The following KIF5C variants were observed in gnomAD, a reference collection of about 807,000 sequenced individuals.
KIF5C encodes the protein kinesin family member 5C, also known as kinesin heavy chain isoform 5C.
In KIF5C, 18 loss-of-function variants were observed where a neutral mutation model predicts 125.2. The ratio of observed to expected loss-of-function variants is 0.14; its 90% confidence interval spans 0.10 to 0.21. KIF5C has a LOEUF of 0.21. Among genes scored for constraint, KIF5C ranks in the 10% least tolerant of loss-of-function variants. The pLI is 1.00. For synonymous variants in KIF5C, 405 were observed against 434.0 expected, an observed-to-expected ratio of 0.93 and a Z score of 0.83; for missense variants, 780 against 1,183.8, an observed-to-expected ratio of 0.66 and a Z score of 5.01.
At chr2:148,999,028 A>C (rs1681769242) in intron 19 of KIF5C, among the ~76,000 whole-genome samples, 2 of 152,062 alleles carry the variant, frequency 1.3e-5, no homozygotes, top group African/African-American at 4.8e-5. Context: ...CCACACTGTC[A>C]TGTGTCTGTG....
Position 148,971,578 on chromosome 2 carries a change from A to G in KIF5C, c.1118-1758A>G, listed in dbSNP as rs148186063. Among the ~76,000 whole-genome samples, 452 of 152,342 alleles carry G rather than the reference A, an allele frequency of 3.0e-3. 1 individual carries two copies. Among genetic ancestry groups the G allele is most frequent in the African/African-American group, 0.01 (417 of 41,586 alleles). On this transcript the variant is annotated intron_variant, in intron 11 of 25. Transcript: ENST00000435030. ...TTTTGTTTAAGGTCAATAATTTTAGAAAAAACGCTTAAGTATAGCAGTCTT... is the reference window on the plus strand; with the variant it reads ...TTTTGTTTAAGGTCAATAATTTTAGGAAAAACGCTTAAGTATAGCAGTCTT...
intron 1 of KIF5C, among the ~76,000 whole-genome samples, chr2:148,891,923 C>T (rs147512866): frequency 6.6e-6 from 1 of 152,320 alleles, no homozygotes; most frequent in East Asian, 1.9e-4. Context: ...GTCTCAAACT[C>T]CTGATCTCAG....
Position 149,025,995 on chromosome 2 carries a change from T to C in KIF5C, c.*2925T>C, listed in dbSNP as rs189188853. 40 of 152,790 alleles carry C rather than the reference T, an allele frequency of 2.6e-4. No homozygotes were observed. The highest frequency in any genetic ancestry group is 9.6e-4 in the African/African-American group (40 of 41,586). 9.5% of individuals were successfully genotyped at this position (152,790 alleles called of 1,614,324 possible). A position where few individuals can be genotyped will look rare whatever the true frequency, so the allele number is the denominator to read the frequency against. On this transcript the variant is annotated 3_prime_UTR_variant, in exon 26 of 26. Transcript: ENST00000435030. ...GGATAAATGAAGAAATAAAAATGTTTGTCTAGAATGTAGCATCTAGTGACT... is the reference window on the plus strand; with the variant it reads ...GGATAAATGAAGAAATAAAAATGTTCGTCTAGAATGTAGCATCTAGTGACT...
intron 3 of KIF5C, among the ~76,000 whole-genome samples, chr2:148,934,675 C>T (rs1016090093): frequency 6.6e-5 from 10 of 151,904 alleles, no homozygotes; most frequent in Non-Finnish European, 7.4e-5. Flanking sequence ...AGCACCCCCA[C>T]ACTCGCCACA....
chr2:148,933,778 T>C (rs1289458417), intron 3 of KIF5C, among the ~76,000 whole-genome samples: 1 of 144,678 alleles, frequency 6.9e-6, no homozygotes, highest in East Asian at 2.1e-4. Context: ...CGACACACCA[T>C]ATACCACATA....
intron 12 of KIF5C, among the ~76,000 whole-genome samples, chr2:148,975,234 A>T (rs1354624568): frequency 1.3e-5 from 2 of 152,204 alleles, no homozygotes; most frequent in Non-Finnish European, 2.9e-5. Flanking sequence ...GTTTGCCCTC[A>T]GTGACCCTTC....
At chr2:148,977,070 T>TA (rs147697580) in intron 12 of KIF5C, among the ~76,000 whole-genome samples, 4 of 152,200 alleles carry the variant, frequency 2.6e-5, no homozygotes, top group African/African-American at 7.2e-5. Context: ...TGAAAGACTT[T>TA]AAAAAAAATC....
intron 15 of KIF5C, among the ~76,000 whole-genome samples, chr2:148,987,359 G>C (rs921863559): frequency 2.6e-5 from 4 of 152,150 alleles, no homozygotes; most frequent in Non-Finnish European, 4.4e-5. Context: ...GCTGTGTGCA[G>C]CCTTAGTAGC....
chr2:148,882,551 CT>C (rs1283987297), intron 1 of KIF5C, among the ~76,000 whole-genome samples: 1 of 152,204 alleles, frequency 6.6e-6, no homozygotes, highest in Non-Finnish European at 1.5e-5. Context: ...TTCATCTGTG[CT>C]TCTGTTCCCC....
chr2:148,962,611 A>G (rs1242104170), intron 11 of KIF5C, among the ~76,000 whole-genome samples: 1 of 152,166 alleles, frequency 6.6e-6, no homozygotes, highest in African/African-American at 2.4e-5. Context: ...AGTCCCTAAC[A>G]CAGGCACCAT....
At chr2:148,886,873 A>G (rs1238033424) in intron 1 of KIF5C, among the ~76,000 whole-genome samples, 1 of 152,328 alleles carries the variant, frequency 6.6e-6, no homozygotes, top group East Asian at 1.9e-4. Flanking sequence ...GTGTTTTTTA[A>G]AATTTTCTTA....
intron 25 of KIF5C, among the ~76,000 whole-genome samples, chr2:149,021,632 C>A: frequency 6.6e-6 from 1 of 151,156 alleles, no homozygotes; most frequent in East Asian, 1.9e-4. Flanking sequence ...TGAGATATTA[C>A]CACAGTTGAG....
At chr2:148,891,844 T>A (rs978720558) in intron 1 of KIF5C, among the ~76,000 whole-genome samples, 1 of 152,140 alleles carries the variant, frequency 6.6e-6, no homozygotes, top group South Asian at 2.1e-4. Flanking sequence ...ATTACAGGCA[T>A]GCACCACCAT....
intron 3 of KIF5C, among the ~76,000 whole-genome samples, chr2:148,931,174 A>G (rs1348200002): frequency 6.6e-6 from 1 of 152,214 alleles, no homozygotes; most frequent in Non-Finnish European, 1.5e-5. Context: ...AACAACAAAA[A>G]CAAAAGCAAC....
chr2:148,935,306 T>A (rs1046951466), intron 3 of KIF5C, among the ~76,000 whole-genome samples: 1 of 152,144 alleles, frequency 6.6e-6, no homozygotes, highest in Non-Finnish European at 1.5e-5. Context: ...TAGATTTGAG[T>A]CAATTATAAA....
rs1681233818 is a variant in KIF5C at position 148,981,467 on chromosome 2, A to C, written c.1475A>C (p.Glu492Ala). 6.2e-7 allele frequency: 1 copy of C among 1,608,740 alleles called. No individual in the cohort carries two copies. The highest frequency in any genetic ancestry group is 1.3e-5 in the African/African-American group (1 of 75,012). ...DEVKEVLQAL[E>A]ELAVNYDQKS... Reference sequence around the variant, plus strand: ...GTGAAAGAAGTTCTCCAGGCCCTGGAGGAGCTGGCTGTCAATTATGACCAG... The same window carrying C: ...GTGAAAGAAGTTCTCCAGGCCCTGGCGGAGCTGGCTGTCAATTATGACCAG... The change falls in exon 14 of 26, where the codon GAG becomes GCG. Residue 492 changes from glutamate to alanine, a missense_variant. Physicochemically the swap from Glu to Ala is moderately radical, Grantham distance 107 (BLOSUM62 -1). Transcript: ENST00000435030.
intron 1 of KIF5C, among the ~76,000 whole-genome samples, chr2:148,899,998 C>G (rs1376314141): frequency 6.6e-6 from 1 of 152,222 alleles, no homozygotes; most frequent in East Asian, 1.9e-4. Context: ...CAAACCGATG[C>G]AGAGACAATT....
At chr2:148,919,228 G>C (rs1224432164) in intron 1 of KIF5C, among the ~76,000 whole-genome samples, 1 of 152,102 alleles carries the variant, frequency 6.6e-6, no homozygotes, top group African/African-American at 2.4e-5. Flanking sequence ...AGGAGGCAGA[G>C]GTCTGGGTCT....
intron 1 of KIF5C, among the ~76,000 whole-genome samples, chr2:148,898,341 T>G (rs1433226329): frequency 6.6e-6 from 1 of 152,150 alleles, no homozygotes; most frequent in Non-Finnish European, 1.5e-5. Context: ...CTGAACTGAG[T>G]ATCTCATGAG....
Sources: allele counts gnomAD v4.1 joint callset (sites outside exome capture counted in the v4.1 genomes callset), GRCh38; gene constraint gnomAD v4.1.1; transcripts MANE v1.5; gene names NCBI Gene and HGNC (gene_info 2026-07-23, HGNC 2026-07-21).